The following PDE1A variants were observed in gnomAD, a reference collection of about 807,000 sequenced individuals.
The protein encoded by PDE1A is phosphodiesterase 1A.
In PDE1A, 35 loss-of-function variants were observed where a neutral mutation model predicts 61.7. The ratio of observed to expected loss-of-function variants is 0.57; its 90% CI spans 0.43 to 0.75. PDE1A has a LOEUF of 0.75. PDE1A is among the 30% of genes least tolerant of loss of function. The pLI, the probability that PDE1A is intolerant of heterozygous loss-of-function variation, is 0.00. For missense variants in PDE1A, 597 were observed against 630.6 expected, an observed-to-expected ratio of 0.95 and a Z score of 0.57; for synonymous variants, 232 against 213.2, an observed-to-expected ratio of 1.09 and a Z score of -0.77.
the PDE1A span, among the ~76,000 whole-genome samples, chr2:182,708,134 T>C: frequency 6.6e-6 from 1 of 152,098 alleles, no homozygotes; most frequent in Non-Finnish European, 1.5e-5. Flanking sequence ...CATAAATATG[T>C]ACAATTATTA....
chr2:182,420,378 T>A (rs766124424), intron 1 of PDE1A, among the ~76,000 whole-genome samples: 22 of 152,206 alleles, frequency 1.4e-4, no homozygotes, highest in Non-Finnish European at 2.8e-4. Context: ...TGGTGGGGAT[T>A]TTCTTTTCCT....
upstream of PDE1A, among the ~76,000 whole-genome samples, chr2:182,524,737 CA>C (rs1013817427): frequency 6.6e-6 from 1 of 151,740 alleles, no homozygotes; most frequent in Admixed American, 6.6e-5. Context: ...TGTTAGTTTA[CA>C]AAAAAATTCA....
chr2:182,626,466 G>C, the PDE1A span, among the ~76,000 whole-genome samples: 1 of 151,286 alleles, frequency 6.6e-6, no homozygotes, highest in East Asian at 1.9e-4. Flanking sequence ...CATTGCTTTT[G>C]AAAATTCTGA....
chr2:182,666,706 A>G, the PDE1A span, among the ~76,000 whole-genome samples: 8 of 152,116 alleles, frequency 5.3e-5, no homozygotes, highest in Non-Finnish European at 1.0e-4. Context: ...AAGTATGTCT[A>G]TTGCAACTCT....
downstream of PDE1A, among the ~76,000 whole-genome samples, chr2:182,165,812 T>C (rs907957802): frequency 1.3e-5 from 2 of 152,240 alleles, no homozygotes; most frequent in Non-Finnish European, 2.9e-5. Context: ...AATACATTTG[T>C]ATGTATATTA....
intron 1 of PDE1A, among the ~76,000 whole-genome samples, chr2:182,324,103 GA>G (rs1696892146): frequency 6.6e-6 from 1 of 152,006 alleles, no homozygotes; most frequent in African/African-American, 2.4e-5. Context: ...AAGATGCCTG[GA>G]AAAATTATTC....
chr2:182,266,568 A>C (rs760447128), intron 1 of PDE1A, among the ~76,000 whole-genome samples: 6 of 152,140 alleles, frequency 3.9e-5, no homozygotes, highest in Non-Finnish European at 7.3e-5. Flanking sequence ...TCCCTGAAAA[A>C]CTGCATTCTA....
At chr2:182,609,329 C>T in the PDE1A span, among the ~76,000 whole-genome samples, 1 of 152,212 alleles carries the variant, frequency 6.6e-6, no homozygotes, top group Non-Finnish European at 1.5e-5. Context: ...ATGTGCGTGG[C>T]ACCAGATAAG....
chr2:182,437,094 C>G (rs1439752726), intron 2 of PDE1A, among the ~76,000 whole-genome samples: 1 of 151,870 alleles, frequency 6.6e-6, no homozygotes, highest in Non-Finnish European at 1.5e-5. Context: ...CCATGAAAAG[C>G]AGAAGACTGA....
intron 6 of PDE1A, among the ~76,000 whole-genome samples, chr2:182,229,337 C>T (rs577903718): frequency 1.2e-4 from 18 of 152,070 alleles, no homozygotes; most frequent in Non-Finnish European, 2.4e-4. Flanking sequence ...TTTTTTGAAC[C>T]CAGCTCAGTT....
At chr2:182,380,330 T>G (rs1254263105) in intron 1 of PDE1A, among the ~76,000 whole-genome samples, 1 of 151,972 alleles carries the variant, frequency 6.6e-6, no homozygotes, top group Non-Finnish European at 1.5e-5. Context: ...GTCAGGATGG[T>G]CTCGATCTCC....
chr2:182,700,526 A>T, the PDE1A span, among the ~76,000 whole-genome samples: 1 of 151,844 alleles, frequency 6.6e-6, no homozygotes, highest in East Asian at 1.9e-4. Context: ...GATCGAGACC[A>T]TCCTGGCCAA....
chr2:182,439,885 T>C (rs1268533372), intron 2 of PDE1A, among the ~76,000 whole-genome samples: 1 of 152,108 alleles, frequency 6.6e-6, no homozygotes, highest in African/African-American at 2.4e-5. Flanking sequence ...TTGAGCAAGT[T>C]GTTGTTTCCT....
At chr2:182,506,355 T>C (rs1212898447) in intron 2 of PDE1A, among the ~76,000 whole-genome samples, 1 of 152,206 alleles carries the variant, frequency 6.6e-6, no homozygotes. Flanking sequence ...AAACAGCCAT[T>C]TTATAGATGT....
the PDE1A span, among the ~76,000 whole-genome samples, chr2:182,566,052 T>G: frequency 6.6e-6 from 1 of 152,152 alleles, no homozygotes; most frequent in Admixed American, 6.6e-5. Context: ...GTGATTTGAA[T>G]GAAATGCAAG....
the PDE1A span, among the ~76,000 whole-genome samples, chr2:182,626,838 C>CATATATATACAT: frequency 4.0e-4 from 4 of 10,034 alleles, no homozygotes; most frequent in Non-Finnish European, 8.3e-4. Context: ...TATATATATA[C>CATATATATACAT]ATATATATAC....
At chr2:182,522,653 T>C (rs1290259540) in intron 1 of PDE1A, 10 of 1,181,234 alleles carry the variant, frequency 8.5e-6, no homozygotes, top group Non-Finnish European at 9.5e-6. Flanking sequence ...AGCCTGCTAC[T>C]GTACTACTGA....
intron 1 of PDE1A, chr2:182,522,538 T>C: frequency 1.4e-6 from 2 of 1,442,074 alleles, no homozygotes; most frequent in Middle Eastern, 2.2e-4. Flanking sequence ...GATTTGCTAT[T>C]GACTTTGACA....
chr2:182,270,975 A>AT (rs1414686776), intron 1 of PDE1A, among the ~76,000 whole-genome samples: 1 of 151,872 alleles, frequency 6.6e-6, no homozygotes, highest in African/African-American at 2.4e-5. Context: ...CTTTTCCAGT[A>AT]TTTTTTTCAT....
Sources: allele counts gnomAD v4.1 joint callset (sites outside exome capture counted in the v4.1 genomes callset), GRCh38; gene constraint gnomAD v4.1.1; transcripts MANE v1.5; gene names NCBI Gene and HGNC (gene_info 2026-07-23, HGNC 2026-07-21).